The following SLC24A2 variants were observed in gnomAD, a reference collection of about 807,000 sequenced individuals.
The protein encoded by SLC24A2 is solute carrier family 24 member 2.
A neutral mutation model predicts 62.0 loss-of-function variants in SLC24A2; 36 were observed. That is an observed-to-expected ratio of 0.58 (90% CI 0.44 to 0.77). The LOEUF (loss-of-function observed/expected upper bound fraction) is 0.77, where lower values mean the gene tolerates loss of function less well. SLC24A2 is among the 30% of genes least tolerant of loss of function. The pLI is 0.00. For synonymous variants in SLC24A2, 358 were observed against 294.0 expected (o/e 1.22, Z -2.23); for missense variants, 846 against 817.9 (o/e 1.03, Z -0.42).
In SLC24A2 at chr9:19,720,248, T is replaced by G. The variant is rs372448904; in HGVS notation, c.930+65689A>C. 2.0e-5 allele frequency among the ~76,000 whole-genome samples: 3 copies of G among 152,354 alleles called. No individual in the cohort carries two copies. In the East Asian group the frequency reaches 5.8e-4, roughly 29 times the overall value. ...TTTATTATTATCTTTAATTTCAACG[T>G]GTACCTCCACTATCTAAAATAAAAG... On this transcript the variant is annotated intron_variant, in intron 2 of 10. Transcript: ENST00000341998.
chr9:19,959,581 A>G, the SLC24A2 span, among the ~76,000 whole-genome samples: 1 of 152,222 alleles, frequency 6.6e-6, no homozygotes, highest in East Asian at 1.9e-4. Context: ...TAGGCATTTG[A>G]TAAGTGTCTG....
chr9:19,690,849 A>T (rs1035407587), intron 2 of SLC24A2, among the ~76,000 whole-genome samples: 1 of 152,126 alleles, frequency 6.6e-6, no homozygotes, highest in Admixed American at 6.6e-5. Context: ...GGATTTCGAT[A>T]GAATGGAAAA....
intron 4 of SLC24A2, among the ~76,000 whole-genome samples, chr9:19,610,807 T>C (rs531031110): frequency 6.6e-6 from 1 of 152,226 alleles, no homozygotes; most frequent in Non-Finnish European, 1.5e-5. Flanking sequence ...AAAATCTACA[T>C]GGCTAGAGAC....
chr9:20,269,298 AAAG>A, the SLC24A2 span, among the ~76,000 whole-genome samples: 1 of 152,140 alleles, frequency 6.6e-6, no homozygotes, highest in African/African-American at 2.4e-5. Flanking sequence ...ATAGGTAAGA[AAAG>A]GAGACGCATC....
chr9:19,994,136 T>C, the SLC24A2 span, among the ~76,000 whole-genome samples: 1 of 152,194 alleles, frequency 6.6e-6, no homozygotes, highest in African/African-American at 2.4e-5. Context: ...AACAGGCTGC[T>C]GCACCTGCTT....
the SLC24A2 span, among the ~76,000 whole-genome samples, chr9:20,214,474 G>A: frequency 6.6e-6 from 1 of 151,974 alleles, no homozygotes; most frequent in Admixed American, 6.6e-5. Flanking sequence ...AATTAGCTGG[G>A]CATTGTGGTG....
chr9:19,672,834 T>C (rs1326914991), intron 2 of SLC24A2, among the ~76,000 whole-genome samples: 1 of 146,630 alleles, frequency 6.8e-6, no homozygotes, highest in African/African-American at 2.7e-5. Context: ...TCCATGTATT[T>C]GCATGGTTTT....
intron 2 of SLC24A2, among the ~76,000 whole-genome samples, chr9:19,738,546 T>C (rs115047416): frequency 0.098 from 14,850 of 152,136 alleles, 833 homozygotes; most frequent in Middle Eastern, 0.16. Flanking sequence ...AAGGCAGAAA[T>C]AAAGCTGTCA....
chr9:19,949,766 T>C, the SLC24A2 span, among the ~76,000 whole-genome samples: 10 of 152,210 alleles, frequency 6.6e-5, no homozygotes, highest in Non-Finnish European at 8.8e-5. Flanking sequence ...TTACTGACCA[T>C]GTGGATTAGA....
At chr9:20,208,197 A>G in the SLC24A2 span, among the ~76,000 whole-genome samples, 1 of 152,198 alleles carries the variant, frequency 6.6e-6, no homozygotes, top group African/African-American at 2.4e-5. Flanking sequence ...GTGGGTGTTA[A>G]CCACAGGGAA....
chr9:20,004,784 G>T, the SLC24A2 span, among the ~76,000 whole-genome samples: 2 of 151,200 alleles, frequency 1.3e-5, no homozygotes, highest in African/African-American at 4.9e-5. Flanking sequence ...TATGAAGCAT[G>T]CCCAACAATG....
chr9:20,275,665 A>G, the SLC24A2 span, among the ~76,000 whole-genome samples: 1 of 152,214 alleles, frequency 6.6e-6, no homozygotes, highest in African/African-American at 2.4e-5. Context: ...ATAGTGACTG[A>G]CATCTTTGAA....
At chr9:20,174,167 T>C in the SLC24A2 span, among the ~76,000 whole-genome samples, 1 of 151,938 alleles carries the variant, frequency 6.6e-6, no homozygotes, top group Non-Finnish European at 1.5e-5. Context: ...TGAAACTAGA[T>C]CCTCATCTCT....
the SLC24A2 span, among the ~76,000 whole-genome samples, chr9:19,840,660 A>G: frequency 1.3e-5 from 2 of 152,130 alleles, no homozygotes; most frequent in African/African-American, 2.4e-5. Context: ...GATGAAATGT[A>G]TTTATTTTAA....
chr9:19,710,319 A>G (rs1205600031), intron 2 of SLC24A2, among the ~76,000 whole-genome samples: 2 of 152,170 alleles, frequency 1.3e-5, no homozygotes, highest in African/African-American at 2.4e-5. Flanking sequence ...TAACCAAGGA[A>G]AACACAATTA....
At chr9:19,826,173 CAA>C in the SLC24A2 span, among the ~76,000 whole-genome samples, 74,853 of 110,630 alleles carry the variant, frequency 0.68, 25,499 homozygotes, top group Middle Eastern at 0.84. Context: ...TGATGCATTG[CAA>C]AAAAAAAAAA....
At chr9:19,775,699 C>G (rs181972270) in intron 2 of SLC24A2, among the ~76,000 whole-genome samples, 1 of 152,182 alleles carries the variant, frequency 6.6e-6, no homozygotes, top group Non-Finnish European at 1.5e-5. Flanking sequence ...AGAAGCAAGG[C>G]CACCACCAGG....
the SLC24A2 span, among the ~76,000 whole-genome samples, chr9:20,109,224 T>C: frequency 1.3e-5 from 2 of 152,306 alleles, no homozygotes; most frequent in Middle Eastern, 3.4e-3. Flanking sequence ...AATTTATCCT[T>C]AAGTGATATA....
the SLC24A2 span, among the ~76,000 whole-genome samples, chr9:20,102,079 T>C: frequency 6.6e-6 from 1 of 152,324 alleles, no homozygotes; most frequent in Non-Finnish European, 1.5e-5. Flanking sequence ...AAAAACAACA[T>C]GATCAAACCT....
Sources: gnomAD v4.1 joint callset for allele counts (sites outside exome capture counted in the v4.1 genomes callset) on GRCh38, gnomAD v4.1.1 for gene constraint, MANE v1.5 for transcripts, NCBI Gene and HGNC (gene_info 2026-07-23, HGNC 2026-07-21) for gene names.